Variants in MLLT3 observed in about 807,000 individuals in gnomAD.
MLLT3 encodes MLLT3 super elongation complex subunit.
In MLLT3, 4 loss-of-function variants were observed where a neutral mutation model predicts 53.2. That is an observed-to-expected ratio of 0.08 (90% CI 0.04 to 0.17). The LOEUF is 0.17. Among genes scored for constraint, MLLT3 ranks in the 10% least tolerant of loss-of-function variants. MLLT3 has a pLI of 1.00. For missense variants in MLLT3, 569 were observed against 684.0 expected (o/e 0.83, Z 1.87); for synonymous variants, 283 against 230.6 (o/e 1.23, Z -2.06).
chr9:20,549,252 A>C (rs1014620842), intron 2 of MLLT3, among the ~76,000 whole-genome samples: 2 of 152,230 alleles, frequency 1.3e-5, no homozygotes, highest in Non-Finnish European at 2.9e-5. Flanking sequence ...AGAAAAGCCA[A>C]GTAGCTATAA....
chr9:20,369,249 G>A (rs933819982), intron 5 of MLLT3, among the ~76,000 whole-genome samples: 9 of 152,138 alleles, frequency 5.9e-5, no homozygotes, highest in Admixed American at 2.0e-4. Flanking sequence ...TGATTTAATA[G>A]GTTGATAGTG....
chr9:20,352,125 G>A (rs372019716), intron 10 of MLLT3, among the ~76,000 whole-genome samples: 4 of 152,200 alleles, frequency 2.6e-5, no homozygotes, highest in African/African-American at 7.2e-5. Context: ...ATTAAATTGC[G>A]AATGCCAATG....
At chr9:20,524,422 A>G (rs2118985151) in intron 2 of MLLT3, among the ~76,000 whole-genome samples, 1 of 152,268 alleles carries the variant, frequency 6.6e-6, no homozygotes, top group East Asian at 1.9e-4. Context: ...ACAATAGAAT[A>G]TTGAAATGTT....
intron 2 of MLLT3, among the ~76,000 whole-genome samples, chr9:20,581,644 T>C (rs1819795172): frequency 6.6e-6 from 1 of 152,194 alleles, no homozygotes; most frequent in Non-Finnish European, 1.5e-5. Context: ...AATCAGAGAC[T>C]GGACTTTGAG....
In MLLT3 at chr9:20,622,295, ACC is replaced by A. The variant is rs35653310; in HGVS notation, c.-41_-40del. On this transcript the variant is annotated 5_prime_UTR_variant, in exon 1 of 11. Transcript: ENST00000380338. Reference sequence around the variant, plus strand: ...GAGGTTTGCTGGGGTGTTGTGTGGTACCCCCCCCTCCTCCGCCCCCCCTCAGC... The same window carrying A: ...GAGGTTTGCTGGGGTGTTGTGTGGTACCCCCCTCCTCCGCCCCCCCTCAGC... The A allele has an allele frequency of 1.4e-6, 2 of 1,460,930 alleles. No individual in the cohort carries two copies. Among genetic ancestry groups the A allele is most frequent in the Non-Finnish European group, 1.8e-6 (2 of 1,081,218 alleles). The allele number at this position is 1,460,930 out of a possible 1,614,324, so 90.5% of individuals were successfully genotyped here.
intron 5 of MLLT3, among the ~76,000 whole-genome samples, chr9:20,393,082 G>A (rs1366778545): frequency 6.6e-6 from 1 of 152,128 alleles, no homozygotes; most frequent in Non-Finnish European, 1.5e-5. Context: ...TTGAACCCAG[G>A]AGGCTGAGAT....
At chr9:20,347,127 C>T (rs1820894758) in intron 10 of MLLT3, among the ~76,000 whole-genome samples, 1 of 151,116 alleles carries the variant, frequency 6.6e-6, no homozygotes, top group African/African-American at 2.4e-5. Flanking sequence ...ACAATCCCAC[C>T]CCCTTAACAG....
At chr9:20,500,139 G>C (rs909354620) in intron 2 of MLLT3, among the ~76,000 whole-genome samples, 4 of 152,240 alleles carry the variant, frequency 2.6e-5, no homozygotes, top group African/African-American at 9.6e-5. Flanking sequence ...AGAAAGGTTT[G>C]ATTGTGTGGT....
intron 2 of MLLT3, among the ~76,000 whole-genome samples, chr9:20,595,635 C>A (rs1347346512): frequency 6.6e-6 from 1 of 151,946 alleles, no homozygotes; most frequent in African/African-American, 2.4e-5. Flanking sequence ...AATTCAAGCT[C>A]ATCAAAAAAA....
chr9:20,454,948 C>T lies in MLLT3; in HGVS notation c.276+1756G>A, dbSNP rs375226161. 7.2e-5 allele frequency among the ~76,000 whole-genome samples: 11 copies of T among 152,230 alleles called. No homozygotes were observed. In the East Asian group the frequency reaches 1.9e-3, roughly 27 times the overall value. The stretch of plus-strand genomic sequence containing the variant: ...ACTCATAAATCATCAAAGAAATGCA[C>T]ATAAAACCAAAATGAGGTATACTTC... On this transcript the variant is annotated intron_variant, in intron 3 of 10. Transcript: ENST00000380338.
intron 4 of MLLT3, among the ~76,000 whole-genome samples, chr9:20,417,333 CCTAT>C (rs991707210): frequency 1.2e-4 from 17 of 147,408 alleles, no homozygotes; most frequent in African/African-American, 3.7e-4. Context: ...TGATTTTCAG[CCTAT>C]CTGATATTTA....
At chr9:20,354,361 T>C (rs543706970) in intron 9 of MLLT3, among the ~76,000 whole-genome samples, 4 of 152,354 alleles carry the variant, frequency 2.6e-5, no homozygotes, top group Middle Eastern at 3.4e-3. Context: ...AGGTCTGCCC[T>C]GGCCCTACAG....
chr9:20,419,977 CTAAAT>C (rs1349428641), intron 4 of MLLT3, among the ~76,000 whole-genome samples: 1 of 152,014 alleles, frequency 6.6e-6, no homozygotes, highest in African/African-American at 2.4e-5. Context: ...ACCTAAACAA[CTAAAT>C]TATTTCCACA....
At chr9:20,405,317 A>ACT (rs1156733365) in intron 5 of MLLT3, among the ~76,000 whole-genome samples, 1 of 152,094 alleles carries the variant, frequency 6.6e-6, no homozygotes, top group Non-Finnish European at 1.5e-5. Flanking sequence ...TTTATTTCTT[A>ACT]CTCTTCCCTT....
intron 4 of MLLT3, among the ~76,000 whole-genome samples, chr9:20,438,816 T>C (rs1342033504): frequency 1.3e-5 from 2 of 152,146 alleles, no homozygotes; most frequent in Non-Finnish European, 2.9e-5. Context: ...TCACCACAAG[T>C]TCATGTAAAG....
intron 2 of MLLT3, among the ~76,000 whole-genome samples, chr9:20,509,623 T>A (rs1273983106): frequency 1.3e-5 from 2 of 152,202 alleles, no homozygotes; most frequent in Admixed American, 1.3e-4. Context: ...GATACCATGT[T>A]AAAAATAAGC....
intron 2 of MLLT3, among the ~76,000 whole-genome samples, chr9:20,475,333 A>G (rs901359021): frequency 3.9e-5 from 6 of 152,056 alleles, no homozygotes; most frequent in African/African-American, 1.4e-4. Context: ...GACTTATCCC[A>G]TCCCCTAACT....
chr9:20,459,520 T>C (rs920948276), intron 2 of MLLT3, among the ~76,000 whole-genome samples: 18 of 152,182 alleles, frequency 1.2e-4, no homozygotes, highest in African/African-American at 4.3e-4. Flanking sequence ...GCAATTTCAG[T>C]GTCAGGTTGC....
chr9:20,619,296 C>A (rs1820925630), intron 2 of MLLT3, among the ~76,000 whole-genome samples: 1 of 152,184 alleles, frequency 6.6e-6, no homozygotes, highest in African/African-American at 2.4e-5. Context: ...CAAAGACCAT[C>A]AAATTCAACC....
Sources: allele counts gnomAD v4.1 joint callset (sites outside exome capture counted in the v4.1 genomes callset), GRCh38; gene constraint gnomAD v4.1.1; transcripts MANE v1.5; gene names NCBI Gene and HGNC (gene_info 2026-07-23, HGNC 2026-07-21).